Variants in PPP1R12B observed in about 807,000 individuals in gnomAD.
PPP1R12B encodes protein phosphatase 1 regulatory subunit 12B.
In PPP1R12B, 76 loss-of-function variants were observed where a neutral mutation model predicts 126.1. The ratio of observed to expected loss-of-function variants is 0.60; its 90% CI spans 0.50 to 0.73. PPP1R12B has a LOEUF of 0.73. PPP1R12B is among the 30% of genes least tolerant of loss of function. PPP1R12B has a pLI of 0.00. For missense variants in PPP1R12B, 1,052 were observed against 1,205.1 expected (o/e 0.87, Z 1.88); for synonymous variants, 356 against 434.7 (o/e 0.82, Z 2.25).
At chr1:202,540,291 A>T (rs758667450) in intron 18 of PPP1R12B, 1 of 1,426,858 alleles carries the variant, frequency 7.0e-7, no homozygotes, top group South Asian at 1.2e-5. Flanking sequence ...TCAAAGGTAG[A>T]GAATGTGTAT....
Position 202,423,952 on chromosome 1 carries a change from C to G in PPP1R12B, c.541+1214C>G, listed in dbSNP as rs369349831. On this transcript the variant is annotated intron_variant, in intron 3 of 23. Coordinates refer to ENST00000608999, the MANE Select transcript of PPP1R12B (RefSeq NM_002481.4). The stretch of plus-strand genomic sequence containing the variant: ...CACCAGCCTCGGCCTCCCAAAGTGC[C>G]GGGATTAAAGGTGTGAGCTATAGCG... Among the ~76,000 whole-genome samples, 14 of 152,106 alleles carry G rather than the reference C, an allele frequency of 9.2e-5. No individual in the cohort carries two copies. The South Asian group carries it at 2.9e-3, about 32-fold the overall frequency.
intron 18 of PPP1R12B, among the ~76,000 whole-genome samples, chr1:202,545,264 G>C (rs1169222757): frequency 6.6e-6 from 1 of 152,152 alleles, no homozygotes; most frequent in Non-Finnish European, 1.5e-5. Context: ...TCAGCCCAAG[G>C]AATCTTCCTA....
At chr1:202,452,142 C>T (rs575195272) in intron 13 of PPP1R12B, among the ~76,000 whole-genome samples, 32 of 151,784 alleles carry the variant, frequency 2.1e-4, no homozygotes, top group Admixed American at 9.2e-4. Context: ...ACTTTCCAGA[C>T]GGGGTGGCGG....
intron 23 of PPP1R12B, among the ~76,000 whole-genome samples, chr1:202,572,944 T>G (rs985814825): frequency 6.6e-6 from 1 of 152,220 alleles, no homozygotes; most frequent in Non-Finnish European, 1.5e-5. Context: ...CTCTCCCTCA[T>G]GCTGATAACT....
intron 1 of PPP1R12B, among the ~76,000 whole-genome samples, chr1:202,396,878 T>C (rs1665063798): frequency 6.6e-6 from 1 of 152,200 alleles, no homozygotes; most frequent in African/African-American, 2.4e-5. Flanking sequence ...TCTCTTTTCC[T>C]TCCCTCCTAT....
At position 202,571,276 on chromosome 1, in the gene PPP1R12B, T is replaced by C. The variant is rs570295964; in HGVS notation, c.2862+2079T>C. On this transcript the variant is annotated intron_variant, in intron 23 of 23. Transcript: ENST00000608999. Reference sequence around the variant, plus strand: ...GTCTATGATTTCCTAAACTAGATCATGAGTTCTTTCCTTTCCTCAAGAGAT... The same window carrying C: ...GTCTATGATTTCCTAAACTAGATCACGAGTTCTTTCCTTTCCTCAAGAGAT... Among the ~76,000 whole-genome samples the C allele has an allele frequency of 3.3e-5, 5 of 152,348 alleles. No homozygotes were observed. The South Asian group carries it at 1.0e-3, about 32-fold the overall frequency.
chr1:202,465,863 C>T (rs1674909201), intron 13 of PPP1R12B, among the ~76,000 whole-genome samples: 1 of 152,280 alleles, frequency 6.6e-6, no homozygotes, highest in African/African-American at 2.4e-5. Flanking sequence ...GAAAATGGCT[C>T]ATTAATCATT....
At chr1:202,563,626 TAAAA>T (rs56149958) in intron 20 of PPP1R12B, among the ~76,000 whole-genome samples, 1 of 120,354 alleles carries the variant, frequency 8.3e-6, no homozygotes. Context: ...TTGGTGTTAG[TAAAA>T]AAAAAAAAAA....
intron 8 of PPP1R12B, among the ~76,000 whole-genome samples, chr1:202,433,692 T>C (rs1277946901): frequency 1.3e-5 from 2 of 152,264 alleles, no homozygotes; most frequent in East Asian, 3.8e-4. Context: ...TTGAGTGATT[T>C]CTGTAGAAAA....
At chr1:202,354,767 C>T (rs1030332458) in intron 1 of PPP1R12B, among the ~76,000 whole-genome samples, 6 of 151,662 alleles carry the variant, frequency 4.0e-5, no homozygotes, top group African/African-American at 1.2e-4. Flanking sequence ...CCTGCCGTAG[C>T]CTCCTGAGTA....
intron 18 of PPP1R12B, among the ~76,000 whole-genome samples, chr1:202,543,118 T>C (rs3767406): frequency 0.43 from 65,805 of 151,650 alleles, 15,624 homozygotes; most frequent in East Asian, 0.71. Flanking sequence ...TTTTGGACAC[T>C]GTACCCTTTG....
At chr1:202,416,758 T>C in intron 1 of PPP1R12B, 29 bp from the exon 2 acceptor site, 1 of 1,606,156 alleles carries the variant, frequency 6.2e-7, no homozygotes, top group Non-Finnish European at 8.5e-7. Flanking sequence ...GAATACTTGT[T>C]GAATGAATGA....
chr1:202,423,826 G>A (rs1450225037), intron 3 of PPP1R12B, among the ~76,000 whole-genome samples: 2 of 152,186 alleles, frequency 1.3e-5, no homozygotes, highest in African/African-American at 4.8e-5. Flanking sequence ...TGGGACTACA[G>A]GTGTGCACCA....
intron 20 of PPP1R12B, among the ~76,000 whole-genome samples, chr1:202,563,356 A>G (rs1284019380): frequency 2.0e-5 from 3 of 152,124 alleles, no homozygotes; most frequent in African/African-American, 4.8e-5. Flanking sequence ...GCCACAAGCA[A>G]TCTTCCCACC....
intron 1 of PPP1R12B, among the ~76,000 whole-genome samples, chr1:202,374,982 G>A (rs1452059976): frequency 6.6e-6 from 1 of 151,710 alleles, no homozygotes; most frequent in Non-Finnish European, 1.5e-5. Context: ...TCGTTCTGTC[G>A]CCCAGGCCGA....
intron 12 of PPP1R12B, among the ~76,000 whole-genome samples, chr1:202,444,160 A>G (rs1194627797): frequency 6.6e-6 from 1 of 152,204 alleles, no homozygotes; most frequent in Non-Finnish European, 1.5e-5. Flanking sequence ...AAACCTTCAT[A>G]TACATTCCAT....
chr1:202,402,397 CT>C lies in PPP1R12B; in HGVS notation c.292-14388del, dbSNP rs1665976993. ...TCATTGGTTTGTATTTTTCATTCTA[CT>C]TCCCTTCTTCTAGGACATAGCAGTC... On this transcript the variant is annotated intron_variant, in intron 1 of 23. Transcript: ENST00000608999. Among the ~76,000 whole-genome samples, 5 of 152,208 alleles carry C rather than the reference CT, an allele frequency of 3.3e-5. No individual in the cohort carries two copies. The South Asian group carries it at 1.0e-3, about 31-fold the overall frequency.
chr1:202,417,013 T>A, intron 2 of PPP1R12B, 96 bp downstream of exon 2: 1 of 1,354,998 alleles, frequency 7.4e-7, no homozygotes, highest in Non-Finnish European at 9.8e-7. Flanking sequence ...TAAATAGTTA[T>A]AATCTCTCTT....
intron 13 of PPP1R12B, among the ~76,000 whole-genome samples, chr1:202,457,564 AAAAG>A (rs528607006): frequency 1.0e-3 from 159 of 152,112 alleles, no homozygotes; most frequent in Middle Eastern, 6.8e-3. Context: ...AAAAAAAAAA[AAAAG>A]AAAGAAAGAA....
Sources: gnomAD v4.1 joint callset for allele counts (sites outside exome capture counted in the v4.1 genomes callset) on GRCh38, gnomAD v4.1.1 for gene constraint, MANE v1.5 for transcripts, NCBI Gene and HGNC (gene_info 2026-07-23, HGNC 2026-07-21) for gene names.